BMERB1: variants seen among roughly 807,000 people sequenced by gnomAD.
The protein encoded by BMERB1 is bMERB domain containing 1, also known as bMERB domain-containing protein 1.
BMERB1 carries 12 observed loss-of-function variants against 23.6 expected under a neutral mutation model. That is an observed-to-expected ratio of 0.51 (90% confidence interval 0.33 to 0.82). BMERB1 has a LOEUF of 0.82. BMERB1 is among the 40% of genes least tolerant of loss of function. The probability of loss-of-function intolerance (pLI) is 0.03; values close to 1 mark genes in which losing one functional copy is unlikely to be tolerated. For synonymous variants in BMERB1, 122 were observed against 96.6 expected, an observed-to-expected ratio of 1.26 and a Z score of -1.54; for missense variants, 247 against 255.4, an observed-to-expected ratio of 0.97 and a Z score of 0.22.
chr16:15,533,588 T>G (rs2051991387), intron 2 of BMERB1, among the ~76,000 whole-genome samples: 1 of 152,066 alleles, frequency 6.6e-6, no homozygotes, highest in African/African-American at 2.4e-5. Flanking sequence ...CCTCTCTGAT[T>G]GGTCCAAATT....
intron 3 of BMERB1, among the ~76,000 whole-genome samples, chr16:15,578,890 G>T (rs1358838234): frequency 6.6e-6 from 1 of 152,192 alleles, no homozygotes; most frequent in Non-Finnish European, 1.5e-5. Flanking sequence ...AGTGGAAGAT[G>T]ATGGGAAAGG....
At chr16:15,512,734 C>T (rs1420205337) in intron 1 of BMERB1, among the ~76,000 whole-genome samples, 2 of 151,910 alleles carry the variant, frequency 1.3e-5, no homozygotes, top group African/African-American at 2.4e-5. Context: ...CAAAAATTAG[C>T]TGGGCATGGT....
chr16:15,479,233 T>G (rs996827556), intron 1 of BMERB1, among the ~76,000 whole-genome samples: 1 of 152,238 alleles, frequency 6.6e-6, no homozygotes, highest in African/African-American at 2.4e-5. Context: ...GAAGACTTTT[T>G]GATGTGATTG....
At chr16:15,439,009 A>T (rs2050913872) in intron 1 of BMERB1, among the ~76,000 whole-genome samples, 1 of 152,242 alleles carries the variant, frequency 6.6e-6, no homozygotes, top group African/African-American at 2.4e-5. Context: ...TAACTTCCAC[A>T]CATTTTAAAA....
rs1219247263 is a variant in BMERB1, at chr16:15,434,774, G to GAAGTGAGTACT, written c.106+15_106+16insAAGTGAGTACT. On this transcript the variant is annotated intron_variant, in intron 1 of 5. Coordinates refer to ENST00000300006, the MANE Select transcript of BMERB1 (RefSeq NM_033201.3). ...ACTGGGGAGAAGTGAGTACTGGGGCGGGGGGCGGGGGGCCGGGGACAGCTG... is the reference window on the plus strand; with the variant it reads ...ACTGGGGAGAAGTGAGTACTGGGGCGAAGTGAGTACTGGGGGCGGGGGGCCGGGGACAGCTG... 1 of 557,074 alleles carries GAAGTGAGTACT rather than the reference G, an allele frequency of 1.8e-6. No homozygotes were observed. The highest frequency in any genetic ancestry group is 2.9e-5 in the Admixed American group (1 of 35,076). 34.5% of individuals were successfully genotyped at this position (557,074 alleles called of 1,614,324 possible).
chr16:15,447,299 C>T (rs2050998484), intron 1 of BMERB1, among the ~76,000 whole-genome samples: 1 of 152,170 alleles, frequency 6.6e-6, no homozygotes, highest in South Asian at 2.1e-4. Context: ...AAGCAAGCAC[C>T]TTCTTCACAA....
At chr16:15,500,541 G>A (rs62039126) in intron 1 of BMERB1, among the ~76,000 whole-genome samples, 2,847 of 152,244 alleles carry the variant, frequency 0.019, 44 homozygotes, top group East Asian at 0.054. Context: ...GGAAGGGGAA[G>A]GTATCAGGGA....
chr16:15,459,181 T>G (rs967339168), intron 1 of BMERB1, among the ~76,000 whole-genome samples: 4 of 150,982 alleles, frequency 2.6e-5, no homozygotes, highest in Admixed American at 2.6e-4. Context: ...GAAAATAACA[T>G]GAAAGAAAGC....
At chr16:15,464,201 T>C (rs1475998199) in intron 1 of BMERB1, among the ~76,000 whole-genome samples, 3 of 151,136 alleles carry the variant, frequency 2.0e-5, no homozygotes. Context: ...TAATCTCAGC[T>C]ACTCAGGAGA....
intron 1 of BMERB1, among the ~76,000 whole-genome samples, chr16:15,439,690 T>TC (rs2050922318): frequency 6.6e-6 from 1 of 152,182 alleles, no homozygotes; most frequent in African/African-American, 2.4e-5. Context: ...GGAGGTTTTT[T>TC]CCCCGCTCAG....
At chr16:15,569,195 G>GAC (rs1181959553) in intron 3 of BMERB1, among the ~76,000 whole-genome samples, 2 of 152,062 alleles carry the variant, frequency 1.3e-5, no homozygotes, top group Non-Finnish European at 2.9e-5. Flanking sequence ...CAGCCTGGGT[G>GAC]ACAGAGCGAG....
At chr16:15,485,707 C>G (rs1469701685) in intron 1 of BMERB1, among the ~76,000 whole-genome samples, 1 of 151,312 alleles carries the variant, frequency 6.6e-6, no homozygotes, top group Non-Finnish European at 1.5e-5. Flanking sequence ...TTTTTTCCCC[C>G]CCAGGCCAAA....
intron 2 of BMERB1, 56 bp from the exon 3 acceptor site, chr16:15,567,927 C>T (rs2030620001): frequency 2.0e-6 from 3 of 1,502,268 alleles, no homozygotes; most frequent in Non-Finnish European, 2.8e-6. Context: ...GGGTGATGCT[C>T]AGGGCGTAAT....
chr16:15,570,086 G>A (rs151017040), intron 3 of BMERB1, among the ~76,000 whole-genome samples: 407 of 152,240 alleles, frequency 2.7e-3, no homozygotes, highest in African/African-American at 9.4e-3. Flanking sequence ...TTTTCTCACT[G>A]TTATCATTTT....
chr16:15,451,406 C>T (rs2051040106), intron 1 of BMERB1, among the ~76,000 whole-genome samples: 1 of 152,052 alleles, frequency 6.6e-6, no homozygotes, highest in Non-Finnish European at 1.5e-5. Context: ...TGGTCTCAAA[C>T]TCCTCACCTC....
At chr16:15,455,908 G>A (rs543885212) in intron 1 of BMERB1, among the ~76,000 whole-genome samples, 3 of 152,266 alleles carry the variant, frequency 2.0e-5, no homozygotes, top group African/African-American at 4.8e-5. Flanking sequence ...AAGGTCCGTC[G>A]TTAATGTTTG....
intron 1 of BMERB1, among the ~76,000 whole-genome samples, chr16:15,480,805 GT>G (rs1346501965): frequency 1.3e-5 from 2 of 151,412 alleles, no homozygotes; most frequent in African/African-American, 4.9e-5. Context: ...GTAGAGATGG[GT>G]TTTCACCATG....
intron 1 of BMERB1, among the ~76,000 whole-genome samples, chr16:15,502,691 C>T (rs961071291): frequency 1.3e-5 from 2 of 152,100 alleles, no homozygotes; most frequent in African/African-American, 2.4e-5. Flanking sequence ...GGTCATGGGG[C>T]GCAGATCTAT....
intron 2 of BMERB1, among the ~76,000 whole-genome samples, chr16:15,520,434 T>G (rs982678478): frequency 7.9e-5 from 12 of 152,060 alleles, no homozygotes; most frequent in African/African-American, 2.9e-4. Context: ...TTTGGACTTT[T>G]CTGTACCATT....
Sources: allele counts gnomAD v4.1 joint callset (sites outside exome capture counted in the v4.1 genomes callset), GRCh38; gene constraint gnomAD v4.1.1; transcripts MANE v1.5; gene names NCBI Gene and HGNC (gene_info 2026-07-23, HGNC 2026-07-21).